KIAA1328: variants seen among roughly 807,000 people sequenced by gnomAD.
KIAA1328 encodes KIAA1328, also known as protein hinderin.
Under a neutral mutation model 68.1 loss-of-function variants are expected in KIAA1328, and 52 were observed. That is an observed-to-expected ratio of 0.76 (90% confidence interval 0.61 to 0.96). KIAA1328 has a LOEUF of 0.96. Among genes scored for constraint, KIAA1328 ranks in the 40% least tolerant of loss-of-function variants. The probability of loss-of-function intolerance (pLI) is 0.00; values close to 1 mark genes in which losing one functional copy is unlikely to be tolerated. For missense variants in KIAA1328, 641 were observed against 677.6 expected (o/e 0.95, Z 0.60); for synonymous variants, 232 against 239.4 (o/e 0.97, Z 0.28).
At position 37,121,056 on chromosome 18, in the gene KIAA1328, A is replaced by G. The variant is rs561215260; in HGVS notation, c.1233-39144A>G. On this transcript the variant is annotated intron_variant, in intron 7 of 9. Transcript: ENST00000280020. ...CAGAGATTTTGCTTCTTGAAAAATTATAATGAAAAGAATAAAAACCAAAAC... is the reference window on the plus strand; with the variant it reads ...CAGAGATTTTGCTTCTTGAAAAATTGTAATGAAAAGAATAAAAACCAAAAC... 1.7e-4 allele frequency among the ~76,000 whole-genome samples: 26 copies of G among 152,270 alleles called. No homozygotes were observed. The South Asian group carries it at 5.4e-3, about 32-fold the overall frequency.
intron 5 of KIAA1328, among the ~76,000 whole-genome samples, chr18:36,924,533 G>T (rs1334699723): frequency 6.6e-6 from 1 of 152,160 alleles, no homozygotes; most frequent in Non-Finnish European, 1.5e-5. Flanking sequence ...GAGAAAACGA[G>T]TATGACTATA....
intron 4 of KIAA1328, among the ~76,000 whole-genome samples, chr18:36,877,738 C>G (rs1036660233): frequency 3.4e-5 from 5 of 148,412 alleles, no homozygotes; most frequent in African/African-American, 1.2e-4. Flanking sequence ...GCGATCTCGA[C>G]TCACTGCAAG....
intron 9 of KIAA1328, among the ~76,000 whole-genome samples, chr18:37,211,517 CT>C (rs1386605317): frequency 6.6e-6 from 1 of 152,152 alleles, no homozygotes; most frequent in African/African-American, 2.4e-5. Flanking sequence ...TCTTCAGTCT[CT>C]TTTCCTGCCA....
intron 7 of KIAA1328, among the ~76,000 whole-genome samples, chr18:37,069,700 C>A (rs920883406): frequency 6.6e-6 from 1 of 152,126 alleles, no homozygotes; most frequent in African/African-American, 2.4e-5. Flanking sequence ...TTAATACTTA[C>A]AAGGCTATTC....
chr18:37,047,979 C>T (rs1470336778), intron 6 of KIAA1328, among the ~76,000 whole-genome samples: 1 of 152,138 alleles, frequency 6.6e-6, no homozygotes, highest in Admixed American at 6.5e-5. Context: ...ATGCATACTA[C>T]TCCCTTATAA....
At chr18:37,186,310 G>T (rs916269355) in intron 9 of KIAA1328, among the ~76,000 whole-genome samples, 21 of 151,570 alleles carry the variant, frequency 1.4e-4, no homozygotes, top group African/African-American at 5.1e-4. Context: ...AGTGGCTCAC[G>T]CTCCCAACAC....
intron 6 of KIAA1328, among the ~76,000 whole-genome samples, chr18:36,967,765 G>A (rs976128225): frequency 6.6e-6 from 1 of 152,134 alleles, no homozygotes; most frequent in East Asian, 1.9e-4. Context: ...TGCACACTGG[G>A]ACTTGTTCAT....
intron 7 of KIAA1328, among the ~76,000 whole-genome samples, chr18:37,120,249 T>A (rs1216852697): frequency 6.8e-6 from 1 of 147,448 alleles, no homozygotes; most frequent in Non-Finnish European, 1.5e-5. Context: ...TACAATACTT[T>A]AGCAATAAGA....
intron 7 of KIAA1328, among the ~76,000 whole-genome samples, chr18:37,138,717 C>T (rs936329462): frequency 1.1e-4 from 17 of 152,088 alleles, no homozygotes; most frequent in African/African-American, 4.1e-4. Context: ...ACACCTGCCA[C>T]ATTATGTATT....
At chr18:37,073,034 A>G (rs963037235) in intron 7 of KIAA1328, among the ~76,000 whole-genome samples, 14 of 87,968 alleles carry the variant, frequency 1.6e-4, no homozygotes, top group Non-Finnish European at 2.8e-4. Context: ...CTAAAGACTT[A>G]ATGTAAAACC....
chr18:37,190,777 A>G (rs889044751), intron 9 of KIAA1328, among the ~76,000 whole-genome samples: 1 of 152,176 alleles, frequency 6.6e-6, no homozygotes, highest in Non-Finnish European at 1.5e-5. Context: ...TTTAATTACT[A>G]TGCTGGCCCA....
In KIAA1328 at chr18:36,974,143, C is replaced by T. The variant is rs568062504; in HGVS notation, c.576+14708C>T. 2.6e-5 allele frequency among the ~76,000 whole-genome samples: 4 copies of T among 152,180 alleles called. No homozygotes were observed. The South Asian group carries it at 8.3e-4, about 32-fold the overall frequency. ...CTGTTTGACATTTGTTCTCAATTCT[C>T]CATCTCAGAAGAAGGCTTTTTTCTT... On this transcript the variant is annotated intron_variant, in intron 6 of 9. Coordinates refer to ENST00000280020, the MANE Select transcript of KIAA1328 (RefSeq NM_020776.3).
intron 6 of KIAA1328, among the ~76,000 whole-genome samples, chr18:37,028,229 T>G (rs951985672): frequency 1.3e-5 from 2 of 152,208 alleles, no homozygotes; most frequent in Non-Finnish European, 1.5e-5. Context: ...TGTTTTATCA[T>G]TCTTATAGAG....
chr18:36,851,409 TA>T (rs1199046360), intron 4 of KIAA1328, among the ~76,000 whole-genome samples: 2 of 152,156 alleles, frequency 1.3e-5, no homozygotes, highest in African/African-American at 4.8e-5. Flanking sequence ...TTGGTAGAAT[TA>T]ATCAGTGAAG....
At chr18:36,831,086 TATTG>T (rs1270622468) in intron 1 of KIAA1328, among the ~76,000 whole-genome samples, 15 of 152,256 alleles carry the variant, frequency 9.9e-5, no homozygotes, top group African/African-American at 2.2e-4. Flanking sequence ...TCCTTTGTCA[TATTG>T]ATTATTTCCC....
At chr18:36,991,599 G>C (rs943657977) in intron 6 of KIAA1328, among the ~76,000 whole-genome samples, 4 of 152,256 alleles carry the variant, frequency 2.6e-5, no homozygotes, top group East Asian at 1.9e-4. Context: ...ATCTATTACT[G>C]CTTAACCACT....
chr18:37,074,122 G>A (rs1296879366), intron 7 of KIAA1328, among the ~76,000 whole-genome samples: 2 of 152,232 alleles, frequency 1.3e-5, no homozygotes, highest in African/African-American at 4.8e-5. Context: ...TTTGGCTGTA[G>A]TAGGACAGTT....
intron 7 of KIAA1328, among the ~76,000 whole-genome samples, chr18:37,072,490 A>G (rs868317452): frequency 2.0e-5 from 3 of 152,124 alleles, no homozygotes; most frequent in Non-Finnish European, 4.4e-5. Flanking sequence ...TTTATCCTAT[A>G]AGGACTTTGA....
At chr18:37,109,242 C>A (rs997274519) in intron 7 of KIAA1328, among the ~76,000 whole-genome samples, 1 of 152,128 alleles carries the variant, frequency 6.6e-6, no homozygotes, top group Non-Finnish European at 1.5e-5. Flanking sequence ...TAAACATATG[C>A]AGACACTGGT....
Sources: allele counts gnomAD v4.1 joint callset (sites outside exome capture counted in the v4.1 genomes callset), GRCh38; gene constraint gnomAD v4.1.1; transcripts MANE v1.5; gene names NCBI Gene and HGNC (gene_info 2026-07-23, HGNC 2026-07-21).